The following SCFD2 variants were observed in gnomAD, a reference collection of about 807,000 sequenced individuals.
SCFD2 encodes the protein sec1 family domain-containing protein 2.
SCFD2 carries 54 observed loss-of-function variants against 58.9 expected under a neutral mutation model. The ratio of observed to expected loss-of-function variants is 0.92; its 90% CI spans 0.74 to 1.15. The LOEUF is 1.15. Ranked by LOEUF, SCFD2 falls within the 50% of genes most tolerant of loss-of-function variation. SCFD2 has a pLI of 0.00. For missense variants in SCFD2, 805 were observed against 836.6 expected (o/e 0.96, Z 0.47); for synonymous variants, 321 against 335.9 (o/e 0.96, Z 0.49).
intron 4 of SCFD2, among the ~76,000 whole-genome samples, chr4:53,215,819 C>T (rs771387556): frequency 6.6e-6 from 1 of 152,064 alleles, no homozygotes; most frequent in South Asian, 2.1e-4. Flanking sequence ...AGATACGTCC[C>T]ATCAATACTT....
At chr4:53,115,696 G>C (rs143087073) in intron 5 of SCFD2, among the ~76,000 whole-genome samples, 7 of 152,032 alleles carry the variant, frequency 4.6e-5, no homozygotes, top group Non-Finnish European at 8.8e-5. Context: ...GGCTGACATG[G>C]TATTTCTACT....
At chr4:52,971,587 ACT>A (rs1438818369) in intron 5 of SCFD2, among the ~76,000 whole-genome samples, 14 of 152,346 alleles carry the variant, frequency 9.2e-5, no homozygotes, top group Non-Finnish European at 1.6e-4. Flanking sequence ...GTTGGAAAAC[ACT>A]CTGCAGGATA....
Position 52,885,746 on chromosome 4 carries a change from C to G in SCFD2, c.1962+1G>C. The G allele has an allele frequency of 1.2e-6, 2 of 1,613,830 alleles. No individual in the cohort carries two copies. The highest frequency in any genetic ancestry group is 1.7e-6 in the Non-Finnish European group (2 of 1,179,816). On this transcript the variant is annotated splice_donor_variant, in intron 8 of 8. Coordinates refer to ENST00000401642, the MANE Select transcript of SCFD2 (RefSeq NM_152540.4). LOFTEE classifies it high-confidence loss of function. ...TGTTCAAAGCATGGAGGACTCAGTA[C>G]CTGGGTTCCTGGCTTCAACGATGCC...
chr4:53,271,432 T>C (rs2149066068), intron 4 of SCFD2, among the ~76,000 whole-genome samples: 1 of 141,568 alleles, frequency 7.1e-6, no homozygotes, highest in South Asian at 2.4e-4. Flanking sequence ...TCTACATACA[T>C]CACTTTATTT....
chr4:52,876,756 GAAAAAAA>G (rs761229349), intron 8 of SCFD2, among the ~76,000 whole-genome samples: 2 of 54,394 alleles, frequency 3.7e-5, no homozygotes, highest in South Asian at 8.1e-4. Flanking sequence ...TCTCTGTCTC[GAAAAAAA>G]AAAAAAAAAA....
At chr4:53,316,984 A>T (rs942940892) in intron 2 of SCFD2, among the ~76,000 whole-genome samples, 1 of 151,834 alleles carries the variant, frequency 6.6e-6, no homozygotes, top group African/African-American at 2.4e-5. Flanking sequence ...GTGTGCGCCT[A>T]TAATCCCAGC....
At chr4:53,210,036 A>C (rs1728560294) in intron 4 of SCFD2, among the ~76,000 whole-genome samples, 1 of 152,126 alleles carries the variant, frequency 6.6e-6, no homozygotes, top group African/African-American at 2.4e-5. Context: ...ACCATGGATA[A>C]GAAGACTTCA....
At chr4:52,965,480 T>A (rs1453816935) in intron 5 of SCFD2, among the ~76,000 whole-genome samples, 2 of 152,250 alleles carry the variant, frequency 1.3e-5, no homozygotes, top group African/African-American at 4.8e-5. Flanking sequence ...GTCCCGTAAC[T>A]TCCTTATTCT....
chr4:53,150,762 T>G (rs13117212), intron 4 of SCFD2, among the ~76,000 whole-genome samples: 46,235 of 152,082 alleles, frequency 0.3, 7,387 homozygotes, highest in Non-Finnish European at 0.35. Context: ...CAATCCTATA[T>G]CACAGCCATC....
intron 4 of SCFD2, among the ~76,000 whole-genome samples, chr4:53,152,352 C>T (rs1726535499): frequency 6.6e-6 from 1 of 150,988 alleles, no homozygotes; most frequent in Non-Finnish European, 1.5e-5. Context: ...ACTGGAATGG[C>T]TAAGTGAAAA....
At chr4:53,005,344 C>A (rs1721950394) in intron 5 of SCFD2, among the ~76,000 whole-genome samples, 1 of 152,214 alleles carries the variant, frequency 6.6e-6, no homozygotes, top group South Asian at 2.1e-4. Context: ...CACTGCTGAT[C>A]TCTGCTGATA....
At chr4:53,214,127 T>G (rs1728723008) in intron 4 of SCFD2, among the ~76,000 whole-genome samples, 1 of 152,122 alleles carries the variant, frequency 6.6e-6, no homozygotes, top group African/African-American at 2.4e-5. Flanking sequence ...CGTGTGCATG[T>G]GTCTTTATAG....
chr4:53,241,029 G>A (rs1213547415), intron 4 of SCFD2, among the ~76,000 whole-genome samples: 1 of 152,190 alleles, frequency 6.6e-6, no homozygotes, highest in Non-Finnish European at 1.5e-5. Context: ...TGAAGGGGAA[G>A]GAAGCTGGGA....
intron 2 of SCFD2, among the ~76,000 whole-genome samples, chr4:53,342,324 C>T (rs1560457151): frequency 1.3e-5 from 2 of 152,130 alleles, no homozygotes; most frequent in Admixed American, 6.5e-5. Context: ...TTGGATAAAA[C>T]AGACTTTAAA....
At position 53,358,442 on chromosome 4, in the gene SCFD2, A is replaced by G. The variant is rs375455805; in HGVS notation, c.839-5676T>C. Among the ~76,000 whole-genome samples the G allele has an allele frequency of 4.5e-4, 68 of 152,162 alleles. 1 individual carries two copies. In the South Asian group the frequency reaches 5.0e-3, roughly 11 times the overall value. Reference sequence around the variant, plus strand: ...GGCTTTCCTGCCTGTAATTCCAGCTACTTGGGAGGCTGAGGCACAAGAATC... The same window carrying G: ...GGCTTTCCTGCCTGTAATTCCAGCTGCTTGGGAGGCTGAGGCACAAGAATC... On this transcript the variant is annotated intron_variant, in intron 1 of 8. Transcript: ENST00000401642.
At chr4:52,962,881 G>A (rs1425066330) in intron 5 of SCFD2, among the ~76,000 whole-genome samples, 2 of 152,104 alleles carry the variant, frequency 1.3e-5, no homozygotes, top group Non-Finnish European at 2.9e-5. Context: ...CATGGTCATT[G>A]TGAATCTTTC....
intron 5 of SCFD2, among the ~76,000 whole-genome samples, chr4:53,092,849 T>TTAAC: frequency 6.6e-6 from 1 of 151,908 alleles, no homozygotes; most frequent in African/African-American, 2.4e-5. Flanking sequence ...CAGATGGTAA[T>TTAAC]GTTATCAAAA....
At chr4:52,874,854 C>CA (rs369139310) in intron 8 of SCFD2, among the ~76,000 whole-genome samples, 24 of 152,244 alleles carry the variant, frequency 1.6e-4, no homozygotes, top group African/African-American at 4.6e-4. Flanking sequence ...TCACAGATAC[C>CA]AGTGGGGAGG....
intron 6 of SCFD2, among the ~76,000 whole-genome samples, chr4:52,909,035 T>A (rs909778459): frequency 5.3e-5 from 8 of 152,168 alleles, no homozygotes; most frequent in African/African-American, 1.7e-4. Flanking sequence ...ATCAGACTAT[T>A]GACACTCCAA....
Sources: allele counts gnomAD v4.1 joint callset (sites outside exome capture counted in the v4.1 genomes callset), GRCh38; gene constraint gnomAD v4.1.1; transcripts MANE v1.5; gene names NCBI Gene and HGNC (gene_info 2026-07-23, HGNC 2026-07-21).